Variants in MAGI1 observed in about 807,000 individuals in gnomAD.
MAGI1 encodes the protein membrane associated guanylate kinase, WW and PDZ domain containing 1.
In MAGI1, 58 loss-of-function variants were observed where a neutral mutation model predicts 139.9. The observed-to-expected ratio is 0.41, with a 90% confidence interval of 0.34 to 0.52. MAGI1 has a LOEUF of 0.52. Ranked by LOEUF, MAGI1 falls within the 20% of genes least tolerant of loss-of-function variation. The probability of loss-of-function intolerance (pLI) is 0.12; values close to 1 mark genes in which losing one functional copy is unlikely to be tolerated. For missense variants in MAGI1, 1,874 were observed against 1,901.6 expected (o/e 0.99, Z 0.27); for synonymous variants, 812 against 737.9 (o/e 1.10, Z -1.63).
At chr3:65,500,327 T>G (rs1201738704) in intron 2 of MAGI1, among the ~76,000 whole-genome samples, 3 of 152,156 alleles carry the variant, frequency 2.0e-5, no homozygotes, top group Non-Finnish European at 4.4e-5. Context: ...GATAATAACT[T>G]AAGTAATTAA....
At chr3:65,853,486 A>C (rs1367373251) in intron 1 of MAGI1, among the ~76,000 whole-genome samples, 1 of 152,182 alleles carries the variant, frequency 6.6e-6, no homozygotes, top group South Asian at 2.1e-4. Flanking sequence ...TTCAATATCA[A>C]AAGTCTAAAA....
chr3:65,972,910 A>T (rs17074200), intron 1 of MAGI1, among the ~76,000 whole-genome samples: 20,339 of 152,214 alleles, frequency 0.13, 1,621 homozygotes, highest in East Asian at 0.26. Context: ...AGCCAGAGCC[A>T]ATCAATCAAG....
chr3:65,477,713 T>TATTATTA (rs200355939), intron 4 of MAGI1, among the ~76,000 whole-genome samples: 9 of 139,300 alleles, frequency 6.5e-5, no homozygotes, highest in Admixed American at 3.7e-4. Context: ...TTATTATTAT[T>TATTATTA]TTTTTTTTTT....
intron 2 of MAGI1, among the ~76,000 whole-genome samples, chr3:65,568,789 T>C (rs2080804888): frequency 6.6e-6 from 1 of 152,220 alleles, no homozygotes; most frequent in Admixed American, 6.5e-5. Flanking sequence ...ACTTTCTAAT[T>C]AGTCAAGCCT....
At chr3:65,451,523 T>C (rs1949032097) in intron 6 of MAGI1, among the ~76,000 whole-genome samples, 1 of 152,212 alleles carries the variant, frequency 6.6e-6, no homozygotes. Flanking sequence ...GATACTTGTG[T>C]AATATACTTA....
rs368181084 is a variant in MAGI1, at chr3:65,850,909, C to G, written c.313+187087G>C. On this transcript the variant is annotated intron_variant, in intron 1 of 22. Transcript: ENST00000402939. ...ATCACCTGAGGTCAGGAGTTCGAGA[C>G]CAGCCTGGCCAACATGGTGAAACCC... Among the ~76,000 whole-genome samples the G allele has an allele frequency of 5.3e-5, 8 of 152,212 alleles. No homozygotes were observed. In the East Asian group the frequency reaches 9.7e-4, roughly 18 times the overall value.
chr3:65,701,600 C>A (rs1474767635), intron 1 of MAGI1, among the ~76,000 whole-genome samples: 1 of 151,688 alleles, frequency 6.6e-6, no homozygotes, highest in Non-Finnish European at 1.5e-5. Context: ...TTTTTCCTGT[C>A]ACACACATGG....
chr3:65,940,772 C>T (rs1329260721), intron 1 of MAGI1, among the ~76,000 whole-genome samples: 2 of 152,202 alleles, frequency 1.3e-5, no homozygotes, highest in Admixed American at 6.5e-5. Flanking sequence ...GCGTATCAGA[C>T]TGCACAATCC....
At chr3:65,693,786 C>T (rs914001085) in intron 1 of MAGI1, among the ~76,000 whole-genome samples, 2 of 152,042 alleles carry the variant, frequency 1.3e-5, no homozygotes, top group African/African-American at 2.4e-5. Context: ...TGCAGTGGCA[C>T]GATCTTGACT....
chr3:65,919,406 A>T (rs1227240551), intron 1 of MAGI1, among the ~76,000 whole-genome samples: 2 of 151,744 alleles, frequency 1.3e-5, no homozygotes, highest in Admixed American at 1.3e-4. Flanking sequence ...CTACAAAAAA[A>T]TTTTTAAATT....
chr3:65,813,847 G>A (rs955585606), intron 1 of MAGI1, among the ~76,000 whole-genome samples: 2 of 152,250 alleles, frequency 1.3e-5, no homozygotes, highest in Admixed American at 1.3e-4. Flanking sequence ...TAAGTCCAGG[G>A]TTCTTCAAAC....
chr3:65,854,450 T>C (rs1429071672), intron 1 of MAGI1, among the ~76,000 whole-genome samples: 1 of 152,200 alleles, frequency 6.6e-6, no homozygotes, highest in Non-Finnish European at 1.5e-5. Context: ...ATAATGTGCC[T>C]CCATCTCTCC....
At chr3:65,688,252 T>G in intron 1 of MAGI1, 1 of 842,682 alleles carries the variant, frequency 1.2e-6, no homozygotes, top group Non-Finnish European at 2.0e-6. Context: ...CAGACTCTGG[T>G]CTGAATCCTC....
chr3:65,716,521 A>T (rs2032269960), intron 1 of MAGI1, among the ~76,000 whole-genome samples: 1 of 152,244 alleles, frequency 6.6e-6, no homozygotes. Context: ...ACAGAGTGGT[A>T]GGAACAGTGG....
At chr3:65,440,545 C>G (rs958346916) in intron 8 of MAGI1, among the ~76,000 whole-genome samples, 1 of 152,084 alleles carries the variant, frequency 6.6e-6, no homozygotes, top group African/African-American at 2.4e-5. Context: ...CATACAATGC[C>G]AGAACTGCTG....
intron 1 of MAGI1, among the ~76,000 whole-genome samples, chr3:66,028,223 G>A (rs116090988): frequency 6.5e-4 from 99 of 152,312 alleles, no homozygotes; most frequent in African/African-American, 2.2e-3. Context: ...GATCGCTTGA[G>A]CCCAGGAGGT....
chr3:65,921,307 TA>T (rs2062171865), intron 1 of MAGI1, among the ~76,000 whole-genome samples: 1 of 145,418 alleles, frequency 6.9e-6, no homozygotes, highest in Admixed American at 7.0e-5. Flanking sequence ...CAATGACGTA[TA>T]ATTTTTTTTT....
chr3:65,417,023 C>T (rs1432603240), intron 12 of MAGI1, among the ~76,000 whole-genome samples: 1 of 152,102 alleles, frequency 6.6e-6, no homozygotes, highest in Non-Finnish European at 1.5e-5. Context: ...AAGGTGGGAA[C>T]ATTTTACACA....
chr3:65,556,122 A>G (rs937181670), intron 2 of MAGI1, among the ~76,000 whole-genome samples: 7 of 152,156 alleles, frequency 4.6e-5, no homozygotes, highest in Non-Finnish European at 1.0e-4. Flanking sequence ...AGAGACCTGA[A>G]CTAGTACATC....
Sources: allele counts gnomAD v4.1 joint callset (sites outside exome capture counted in the v4.1 genomes callset), GRCh38; gene constraint gnomAD v4.1.1; transcripts MANE v1.5; gene names NCBI Gene and HGNC (gene_info 2026-07-23, HGNC 2026-07-21).